The following FAM227B variants were observed in gnomAD, a reference collection of about 807,000 sequenced individuals.
The protein encoded by FAM227B is family with sequence similarity 227 member B, also known as protein FAM227B.
A neutral mutation model predicts 73.8 loss-of-function variants in FAM227B; 88 were observed. The observed-to-expected ratio is 1.19, with a 90% CI of 1.00 to 1.42. The LOEUF (loss-of-function observed/expected upper bound fraction) is 1.42, where lower values mean the gene tolerates loss of function less well. FAM227B is among the 40% of genes most tolerant of loss of function. The pLI, the probability that FAM227B is intolerant of heterozygous loss-of-function variation, is 0.00. For synonymous variants in FAM227B, 210 were observed against 190.5 expected, an observed-to-expected ratio of 1.10 and a Z score of -0.84; for missense variants, 632 against 590.9, an observed-to-expected ratio of 1.07 and a Z score of -0.72.
chr15:49,410,493 C>T (rs1466576011), intron 11 of FAM227B, among the ~76,000 whole-genome samples: 2 of 152,036 alleles, frequency 1.3e-5, no homozygotes, highest in African/African-American at 4.8e-5. Context: ...TCACTATCAC[C>T]TCATTTACAC....
chr15:49,355,101 A>G (rs1162204700), intron 13 of FAM227B, among the ~76,000 whole-genome samples: 1 of 151,148 alleles, frequency 6.6e-6, no homozygotes, highest in Non-Finnish European at 1.5e-5. Flanking sequence ...CATCACCATC[A>G]TCAAAGACCA....
At chr15:49,584,300 A>G (rs8030269) in intron 5 of FAM227B, among the ~76,000 whole-genome samples, 28,462 of 152,162 alleles carry the variant, frequency 0.19, 3,115 homozygotes, top group East Asian at 0.36. Flanking sequence ...AAAGGCTTTC[A>G]TTAAAATTCA....
chr15:49,328,935 C>T, intron 15 of FAM227B: 3 of 1,145,392 alleles, frequency 2.6e-6, no homozygotes, highest in Non-Finnish European at 3.2e-6. Flanking sequence ...CACTTTAAGA[C>T]TCTTCTATTC....
At chr15:49,436,998 T>C (rs1264748698) in intron 11 of FAM227B, among the ~76,000 whole-genome samples, 1 of 151,570 alleles carries the variant, frequency 6.6e-6, no homozygotes, top group Non-Finnish European at 1.5e-5. Flanking sequence ...TGAGAAGGCG[T>C]AGCAACCTTC....
At chr15:49,485,917 G>C (rs2056367782) in intron 11 of FAM227B, 2 of 152,000 alleles carry the variant, frequency 1.3e-5, no homozygotes, top group Admixed American at 6.6e-5. Context: ...CCTGTTAGAT[G>C]GCAAGAGCAC....
At chr15:49,590,867 T>C (rs73404195) in intron 3 of FAM227B, among the ~76,000 whole-genome samples, 9,005 of 151,970 alleles carry the variant, frequency 0.059, 966 homozygotes, top group African/African-American at 0.21. Context: ...TCTCTGCTCC[T>C]ATGAGTTCCA....
chr15:49,515,505 G>A (rs1408068128), intron 10 of FAM227B, among the ~76,000 whole-genome samples: 1 of 151,942 alleles, frequency 6.6e-6, no homozygotes, highest in African/African-American at 2.4e-5. Flanking sequence ...TTTTTCTATG[G>A]CTTTTTTGCA....
At chr15:49,356,090 G>A (rs2043116228) in intron 13 of FAM227B, among the ~76,000 whole-genome samples, 1 of 151,998 alleles carries the variant, frequency 6.6e-6, no homozygotes, top group Non-Finnish European at 1.5e-5. Flanking sequence ...CCTGAAGGAA[G>A]CACTAAACAT....
chr15:49,475,328 G>A (rs2055166321), intron 11 of FAM227B, among the ~76,000 whole-genome samples: 2 of 152,170 alleles, frequency 1.3e-5, no homozygotes, highest in South Asian at 4.1e-4. Flanking sequence ...AAGTTAAATT[G>A]AAGAAAAATG....
chr15:49,454,596 T>A (rs2053092668), intron 11 of FAM227B, among the ~76,000 whole-genome samples: 1 of 152,086 alleles, frequency 6.6e-6, no homozygotes, highest in Non-Finnish European at 1.5e-5. Flanking sequence ...AATTATACTC[T>A]TTATTTATTT....
intron 11 of FAM227B, among the ~76,000 whole-genome samples, chr15:49,404,689 T>C (rs1387065810): frequency 6.6e-6 from 1 of 152,120 alleles, no homozygotes. Flanking sequence ...GAAGACAGTA[T>C]ACCAATGGGT....
At chr15:49,567,258 C>T (rs1244178764) in intron 9 of FAM227B, among the ~76,000 whole-genome samples, 1 of 151,940 alleles carries the variant, frequency 6.6e-6, no homozygotes, top group Non-Finnish European at 1.5e-5. Flanking sequence ...CAGAACATCA[C>T]TGTTTGATAA....
chr15:49,588,528 G>A (rs1054057323), intron 4 of FAM227B, among the ~76,000 whole-genome samples: 2 of 107,020 alleles, frequency 1.9e-5, no homozygotes, highest in Non-Finnish European at 3.7e-5. Flanking sequence ...TCCAAGTTCT[G>A]ATATCTACAT....
intron 11 of FAM227B, among the ~76,000 whole-genome samples, chr15:49,432,665 C>T (rs2050722533): frequency 6.6e-6 from 1 of 151,548 alleles, no homozygotes; most frequent in African/African-American, 2.4e-5. Context: ...TACAATTGAC[C>T]TGAACCAACA....
chr15:49,389,479 C>T (rs1292241002), intron 11 of FAM227B, among the ~76,000 whole-genome samples: 1 of 151,810 alleles, frequency 6.6e-6, no homozygotes, highest in Non-Finnish European at 1.5e-5. Flanking sequence ...TTTAGAGACT[C>T]AGAGCCGGGA....
chr15:49,339,870 G>A (rs995141853), intron 13 of FAM227B, among the ~76,000 whole-genome samples: 1 of 152,116 alleles, frequency 6.6e-6, no homozygotes, highest in African/African-American at 2.4e-5. Context: ...GCTGAGCTGC[G>A]GTGGGCTCCA....
At chr15:49,492,733 C>T (rs1350400041) in intron 11 of FAM227B, among the ~76,000 whole-genome samples, 1 of 151,816 alleles carries the variant, frequency 6.6e-6, no homozygotes, top group Non-Finnish European at 1.5e-5. Flanking sequence ...TTATTGTCTT[C>T]TAAATACTTC....
At chr15:49,618,699 T>A (rs2078456479) in intron 1 of FAM227B, among the ~76,000 whole-genome samples, 1 of 152,348 alleles carries the variant, frequency 6.6e-6, no homozygotes, top group Admixed American at 6.5e-5. Flanking sequence ...CCTTTATCAC[T>A]GCCTTCCACA....
intron 2 of FAM227B, among the ~76,000 whole-genome samples, chr15:49,613,836 T>C (rs904947462): frequency 2.4e-4 from 37 of 152,042 alleles, no homozygotes; most frequent in Admixed American, 2.4e-3. Flanking sequence ...TGCATAGAGA[T>C]GTGAAGAACA....
Sources: gnomAD v4.1 joint callset for allele counts (sites outside exome capture counted in the v4.1 genomes callset) on GRCh38, gnomAD v4.1.1 for gene constraint, MANE v1.5 for transcripts, NCBI Gene and HGNC (gene_info 2026-07-23, HGNC 2026-07-21) for gene names.